ZNF518A: variants seen among roughly 807,000 people sequenced by gnomAD.
ZNF518A encodes zinc finger protein 518A.
In ZNF518A, 47 loss-of-function variants were observed where a neutral mutation model predicts 102.7. The observed-to-expected ratio is 0.46, with a 90% confidence interval of 0.36 to 0.58. ZNF518A has a LOEUF of 0.58. Ranked by LOEUF, ZNF518A falls within the 20% of genes least tolerant of loss-of-function variation. The probability of loss-of-function intolerance (pLI) is 0.00; values close to 1 mark genes in which losing one functional copy is unlikely to be tolerated. For synonymous variants in ZNF518A, 652 were observed against 594.6 expected (o/e 1.10, Z -1.40); for missense variants, 1,793 against 1,699.8 (o/e 1.05, Z -0.96).
intron 1 of ZNF518A, among the ~76,000 whole-genome samples, chr10:96,194,538 C>T (rs1339328550): frequency 6.6e-6 from 1 of 152,060 alleles, no homozygotes; most frequent in Non-Finnish European, 1.5e-5. Flanking sequence ...GCAAATAACA[C>T]AATCAACAGA....
At chr10:96,146,194 A>G (rs2082165952) in intron 3 of ZNF518A, among the ~76,000 whole-genome samples, 1 of 152,158 alleles carries the variant, frequency 6.6e-6, no homozygotes, top group African/African-American at 2.4e-5. Context: ...TTCCCTTACA[A>G]TACTGTAATT....
chr10:96,159,526 A>G lies in ZNF518A; in HGVS notation c.3204A>G (p.Leu1068=), dbSNP rs782161183. The change falls in exon 6 of 6, where the codon CTA becomes CTG. Residue 1068 remains leucine, a synonymous_variant. Transcript: ENST00000316045. The stretch of plus-strand genomic sequence containing the variant: ...AAGCTGTTCTTATTCCTAACATGCT[A>G]TCTGAGCAACAGAGCACTAAGTTGA... ...SVKAVLIPNM[L]SEQQSTKLNI... The G allele has an allele frequency of 6.2e-7, 1 of 1,613,862 alleles. No homozygotes were observed. The highest frequency in any genetic ancestry group is 8.5e-7 in the Non-Finnish European group (1 of 1,179,780).
intron 3 of ZNF518A, among the ~76,000 whole-genome samples, chr10:96,143,198 T>C (rs2082021923): frequency 6.6e-6 from 1 of 152,206 alleles, no homozygotes; most frequent in South Asian, 2.1e-4. Flanking sequence ...AATTTCCTCA[T>C]TTCTATTTTT....
intron 1 of ZNF518A, among the ~76,000 whole-genome samples, chr10:96,172,722 TA>T (rs1554891011): frequency 6.6e-6 from 1 of 151,968 alleles, no homozygotes; most frequent in Admixed American, 6.6e-5. Context: ...AAATTTATTT[TA>T]AAATAGCCAA....
chr10:96,165,191 T>C (rs1415437676), downstream of ZNF518A, among the ~76,000 whole-genome samples: 1 of 152,224 alleles, frequency 6.6e-6, no homozygotes, highest in Non-Finnish European at 1.5e-5. Flanking sequence ...TGGCACAGTC[T>C]TGGCTCACTG....
intron 3 of ZNF518A, among the ~76,000 whole-genome samples, chr10:96,138,118 C>T (rs2142409000): frequency 6.6e-6 from 1 of 152,252 alleles, no homozygotes; most frequent in African/African-American, 2.4e-5. Context: ...AGCCAAACCA[C>T]CATCAACTCT....
chr10:96,174,443 C>G (rs1485990213), intron 1 of ZNF518A, among the ~76,000 whole-genome samples: 1 of 151,988 alleles, frequency 6.6e-6, no homozygotes, highest in Non-Finnish European at 1.5e-5. Context: ...GAAAATAAGA[C>G]TCAAATTACT....
Position 96,200,001 on chromosome 10 carries a change from G to A in ZNF518A, n.36-3573G>A, listed in dbSNP as rs2083588194. 2 of 1,133,328 alleles carry A rather than the reference G, an allele frequency of 1.8e-6. No homozygotes were observed. The highest frequency in any genetic ancestry group is 2.6e-5 in the South Asian group (1 of 38,050). 70.2% of individuals were successfully genotyped at this position (1,133,328 alleles called of 1,614,324 possible). The stretch of plus-strand genomic sequence containing the variant: ...TGAGATCGAGCCACTGCACTCCAGT[G>A]AAACTGCATCATCTCAAAACAAATA... On this transcript the variant is annotated intron_variant and non_coding_transcript_variant, in intron 1 of 2. Transcript: ENST00000442635. This position sits in a 1 kb window ranked among gnomAD's most constrained non-coding sequence, Gnocchi z 4.3.
chr10:96,166,206 TCA>T (rs782229955), downstream of ZNF518A, among the ~76,000 whole-genome samples: 1 of 152,124 alleles, frequency 6.6e-6, no homozygotes, highest in Non-Finnish European at 1.5e-5. Flanking sequence ...TGTGCGTCAA[TCA>T]CATTGTGGGC....
intron 3 of ZNF518A, among the ~76,000 whole-genome samples, chr10:96,136,265 C>G (rs1439602896): frequency 6.6e-6 from 1 of 151,324 alleles, no homozygotes; most frequent in Non-Finnish European, 1.5e-5. Flanking sequence ...CTCATTTTGG[C>G]AAAAACCTTT....
chr10:96,164,012 C>A (rs1189048548), downstream of ZNF518A, among the ~76,000 whole-genome samples: 8 of 152,066 alleles, frequency 5.3e-5, no homozygotes, highest in African/African-American at 1.4e-4. Flanking sequence ...TAAAATAGGT[C>A]ATTTGTGTGC....
intron 3 of ZNF518A, among the ~76,000 whole-genome samples, chr10:96,154,457 T>C (rs1323660576): frequency 2.7e-5 from 4 of 150,352 alleles, no homozygotes; most frequent in East Asian, 1.9e-4. Flanking sequence ...CTTCCTGCCT[T>C]CTTTTCTTTT....
intron 3 of ZNF518A, among the ~76,000 whole-genome samples, chr10:96,148,497 T>C (rs148814399): frequency 8.9e-4 from 135 of 152,344 alleles, no homozygotes; most frequent in African/African-American, 3.0e-3. Flanking sequence ...AATTACTTTT[T>C]TTGATTTAAT....
intron 1 of ZNF518A, among the ~76,000 whole-genome samples, chr10:96,185,537 T>C (rs2133896880): frequency 6.6e-6 from 1 of 152,308 alleles, no homozygotes; most frequent in Non-Finnish European, 1.5e-5. Flanking sequence ...TCCTTTCTGT[T>C]TGTTATTTTC....
At position 96,157,177 on chromosome 10, in the gene ZNF518A, C is replaced by A; in HGVS notation, c.855C>A (p.His285Gln). 6.2e-7 allele frequency: 1 copy of A among 1,612,190 alleles called. No homozygotes were observed. The highest frequency in any genetic ancestry group is 1.3e-5 in the African/African-American group (1 of 74,750). ...TTGTAAGACATGTTATAACTTTGCA[C>A]AAAGAACATTTATATGCAAAAGAAA... ...EHLVRHVITL[H>Q]KEHLYAKEKL... The change falls in exon 6 of 6, where the codon CAC becomes CAA. Residue 285 changes from histidine to glutamine, a missense_variant. By Grantham distance (24) the His-to-Gln change is conservative (BLOSUM62 0). This residue lies in a region of ZNF518A where 1,741 missense variants were observed against 1,622.6 expected (regional missense o/e 1.07). Transcript: ENST00000316045.
intron 5 of ZNF518A, 67 bp from the exon 6 acceptor site, chr10:96,156,130 T>G (rs1554882174): frequency 1.5e-5 from 6 of 412,854 alleles, no homozygotes; most frequent in Non-Finnish European, 1.6e-5. Context: ...TGTGCCAAAA[T>G]GAACTTACAG....
At chr10:96,150,223 A>G (rs1237940115) in intron 3 of ZNF518A, among the ~76,000 whole-genome samples, 1 of 151,348 alleles carries the variant, frequency 6.6e-6, no homozygotes, top group Non-Finnish European at 1.5e-5. Flanking sequence ...AGTCCCAGCT[A>G]TTCGGGAGGC....
chr10:96,192,235 A>G, intron 1 of ZNF518A: 2 of 1,179,728 alleles, frequency 1.7e-6, no homozygotes, highest in African/African-American at 1.5e-5. Context: ...CTAGTTTAAC[A>G]AAGGCTGTAA....
intron 3 of ZNF518A, among the ~76,000 whole-genome samples, chr10:96,140,782 A>G (rs1291818475): frequency 2.0e-5 from 3 of 151,060 alleles, no homozygotes; most frequent in African/African-American, 7.3e-5. Flanking sequence ...AAAAAAAAGA[A>G]TTGGAAAAAT....
Sources: gnomAD v4.1 joint callset for allele counts (sites outside exome capture counted in the v4.1 genomes callset) on GRCh38, gnomAD v4.1.1 for gene constraint, gnomAD v4.1.1 regional missense constraint, Gnocchi (gnomAD v3.1) non-coding constraint, MANE v1.5 for transcripts, NCBI Gene and HGNC (gene_info 2026-07-23, HGNC 2026-07-21) for gene names.